Variants in ZNF385D observed in about 807,000 individuals in gnomAD.
ZNF385D encodes zinc finger protein 385D.
A neutral mutation model predicts 35.8 loss-of-function variants in ZNF385D; 15 were observed. The ratio of observed to expected loss-of-function variants is 0.42; its 90% CI spans 0.28 to 0.64. The LOEUF is 0.64. Among genes scored for constraint, ZNF385D ranks in the 30% least tolerant of loss-of-function variants. ZNF385D has a pLI of 0.23. For missense variants in ZNF385D, 474 were observed against 494.6 expected (o/e 0.96, Z 0.39); for synonymous variants, 212 against 186.8 (o/e 1.13, Z -1.10).
At chr3:21,575,046 T>G (rs562583401) in intron 2 of ZNF385D, among the ~76,000 whole-genome samples, 1 of 152,240 alleles carries the variant, frequency 6.6e-6, no homozygotes, top group Middle Eastern at 3.4e-3. Context: ...ATATTAACAG[T>G]TGTAAAATTC....
At chr3:22,318,291 A>G (rs1222627100) in intron 2 of ZNF385D, among the ~76,000 whole-genome samples, 1 of 152,208 alleles carries the variant, frequency 6.6e-6, no homozygotes, top group Non-Finnish European at 1.5e-5. Flanking sequence ...AAAATTATTT[A>G]TCAATATAGA....
At chr3:22,300,609 C>G (rs1359845953) in intron 2 of ZNF385D, among the ~76,000 whole-genome samples, 1 of 151,742 alleles carries the variant, frequency 6.6e-6, no homozygotes, top group Non-Finnish European at 1.5e-5. Flanking sequence ...ACAAATAACC[C>G]AATTTATAAA....
intron 3 of ZNF385D, among the ~76,000 whole-genome samples, chr3:21,898,123 C>T (rs1699226754): frequency 6.6e-6 from 1 of 152,104 alleles, no homozygotes; most frequent in South Asian, 2.1e-4. Flanking sequence ...TTCCATCCCT[C>T]TAGCATTTAA....
chr3:22,251,803 T>C (rs1368381684), intron 2 of ZNF385D, among the ~76,000 whole-genome samples: 1 of 152,046 alleles, frequency 6.6e-6, no homozygotes, highest in Admixed American at 6.6e-5. Flanking sequence ...CTTGGGATCT[T>C]AGAGACACTA....
chr3:21,886,627 A>G (rs1296367374), intron 3 of ZNF385D, among the ~76,000 whole-genome samples: 7 of 152,098 alleles, frequency 4.6e-5, no homozygotes, highest in Non-Finnish European at 1.0e-4. Context: ...AAAATGCTAC[A>G]TTGTCTGTAC....
intron 4 of ZNF385D, among the ~76,000 whole-genome samples, chr3:21,492,113 T>C (rs1277604879): frequency 6.6e-6 from 1 of 152,096 alleles, no homozygotes; most frequent in Non-Finnish European, 1.5e-5. Context: ...ATAATAAATG[T>C]TTTATTTTTC....
chr3:21,744,634 T>C (rs1338721125), intron 1 of ZNF385D, among the ~76,000 whole-genome samples: 1 of 152,168 alleles, frequency 6.6e-6, no homozygotes, highest in Non-Finnish European at 1.5e-5. Context: ...TCAGGTGAGT[T>C]GCTATTAACT....
chr3:22,046,776 G>A (rs184462329), intron 3 of ZNF385D, among the ~76,000 whole-genome samples: 4 of 152,074 alleles, frequency 2.6e-5, no homozygotes, highest in Admixed American at 2.6e-4. Context: ...ATTATATACT[G>A]GTCAACAAAA....
rs540663123 is a variant in ZNF385D at position 22,012,903 on chromosome 3, C to A, written c.325+155914G>T. On this transcript the variant is annotated intron_variant, in intron 3 of 5. Transcript: ENST00000494108. ...TTCTCAATTAAGTAATCATAGGCTC[C>A]AGGTCAAAGATAACTGACTCAACGA... Among the ~76,000 whole-genome samples the A allele has an allele frequency of 5.3e-5, 8 of 152,146 alleles. No homozygotes were observed. The South Asian group carries it at 1.7e-3, about 32-fold the overall frequency.
chr3:22,022,509 G>C (rs901439514), intron 3 of ZNF385D, among the ~76,000 whole-genome samples: 1 of 152,046 alleles, frequency 6.6e-6, no homozygotes, highest in Non-Finnish European at 1.5e-5. Flanking sequence ...TAGTTCAACT[G>C]TTTGTACTTA....
At chr3:22,242,606 T>C (rs73821337) in intron 2 of ZNF385D, among the ~76,000 whole-genome samples, 2 of 150,760 alleles carry the variant, frequency 1.3e-5, no homozygotes, top group Admixed American at 6.6e-5. Flanking sequence ...GAAGGAAATA[T>C]TGAGGAAAGA....
At chr3:22,311,419 G>A (rs1387660919) in intron 2 of ZNF385D, among the ~76,000 whole-genome samples, 3 of 151,940 alleles carry the variant, frequency 2.0e-5, no homozygotes, top group Non-Finnish European at 4.4e-5. Flanking sequence ...TTTAATAAAT[G>A]TGGTTTCATA....
intron 3 of ZNF385D, among the ~76,000 whole-genome samples, chr3:21,808,445 T>C (rs942867458): frequency 1.3e-5 from 2 of 152,132 alleles, no homozygotes; most frequent in African/African-American, 4.8e-5. Context: ...CCATCTCTGC[T>C]CTGCATTAAG....
At position 22,221,137 on chromosome 3, in the gene ZNF385D, G is replaced by T. The variant is rs533286035; in HGVS notation, c.107-52102C>A. ...TGTGTGCGAGTGTGTGTGTGTTTGT[G>T]TATCTATTTACCTATCTATATAGGT... On this transcript the variant is annotated intron_variant, in intron 2 of 5. Transcript: ENST00000494108. Among the ~76,000 whole-genome samples the T allele has an allele frequency of 2.6e-5, 4 of 151,934 alleles. No homozygotes were observed. The South Asian group carries it at 8.3e-4, about 32-fold the overall frequency.
intron 2 of ZNF385D, among the ~76,000 whole-genome samples, chr3:22,308,641 G>C (rs537019497): frequency 6.6e-6 from 1 of 152,150 alleles, no homozygotes; most frequent in South Asian, 2.1e-4. Context: ...TGAAAAAAGA[G>C]TTACTGAGAT....
At chr3:22,244,037 C>G (rs933154568) in intron 2 of ZNF385D, among the ~76,000 whole-genome samples, 2 of 150,808 alleles carry the variant, frequency 1.3e-5, no homozygotes, top group Non-Finnish European at 2.9e-5. Context: ...TGGCTTAGCA[C>G]TTCTCTCACC....
rs555284111 is a variant in ZNF385D at position 21,637,629 on chromosome 3, C to T, written c.165+27257G>A. On this transcript the variant is annotated intron_variant, in intron 2 of 7. Coordinates refer to ENST00000281523, the MANE Select transcript of ZNF385D (RefSeq NM_024697.3). ...GCCACTGTTCTTAAATACTGTAGAA[C>T]TTCTTCGGCAACTGATCCTGTGAGA... Among the ~76,000 whole-genome samples the T allele has an allele frequency of 4.6e-5, 7 of 152,172 alleles. No individual in the cohort carries two copies. The South Asian group carries it at 1.5e-3, about 32-fold the overall frequency.
chr3:21,855,864 A>AT (rs11360065), intron 3 of ZNF385D, among the ~76,000 whole-genome samples: 22 of 150,500 alleles, frequency 1.5e-4, no homozygotes, highest in East Asian at 5.9e-4. Flanking sequence ...ATATCCTATG[A>AT]TTTTTTTTTT....
intron 2 of ZNF385D, among the ~76,000 whole-genome samples, chr3:22,243,480 C>A (rs762298342): frequency 6.6e-6 from 1 of 150,914 alleles, no homozygotes; most frequent in Non-Finnish European, 1.5e-5. Flanking sequence ...TACCCTATAG[C>A]AACGAGAAGC....
Sources: allele counts gnomAD v4.1 joint callset (sites outside exome capture counted in the v4.1 genomes callset), GRCh38; gene constraint gnomAD v4.1.1; transcripts MANE v1.5; gene names NCBI Gene and HGNC (gene_info 2026-07-23, HGNC 2026-07-21).